TFEC: variants seen among roughly 807,000 people sequenced by gnomAD.
The protein encoded by TFEC is class E basic helix-loop-helix protein 34.
In TFEC, 31 loss-of-function variants were observed where a neutral mutation model predicts 41.6. The ratio of observed to expected loss-of-function variants is 0.74; its 90% confidence interval spans 0.56 to 1.01. TFEC has a LOEUF of 1.01. Among genes scored for constraint, TFEC ranks in the 50% least tolerant of loss-of-function variants. TFEC has a pLI of 0.00. For missense variants in TFEC, 402 were observed against 404.1 expected (o/e 0.99, Z 0.04); for synonymous variants, 143 against 140.6 (o/e 1.02, Z -0.12).
At chr7:116,023,151 A>G (rs1795463451) in intron 1 of TFEC, among the ~76,000 whole-genome samples, 1 of 152,092 alleles carries the variant, frequency 6.6e-6, no homozygotes, top group African/African-American at 2.4e-5. Context: ...CTTGTCTATT[A>G]GGCCTCTGAA....
In TFEC at chr7:115,954,910, CTG is replaced by C. The variant is rs1792141764; in HGVS notation, c.383-270_383-269del. ...CCATGTGATCTATTGCCACACTTCTCTGTGTTTCAGGCTCTTCATCTGTAAAA... is the reference window on the plus strand; with the variant it reads ...CCATGTGATCTATTGCCACACTTCTCTGTTTCAGGCTCTTCATCTGTAAAA... On this transcript the variant is annotated intron_variant, in intron 4 of 7. Coordinates refer to ENST00000265440, the MANE Select transcript of TFEC (RefSeq NM_012252.4). Among the ~76,000 whole-genome samples the C allele has an allele frequency of 3.3e-5, 5 of 152,146 alleles. No individual in the cohort carries two copies. The South Asian group carries it at 8.3e-4, about 25-fold the overall frequency.
intron 1 of TFEC, among the ~76,000 whole-genome samples, chr7:115,995,451 C>T (rs142311269): frequency 1.6e-3 from 244 of 151,926 alleles, no homozygotes; most frequent in African/African-American, 5.6e-3. Context: ...AAATTAATGA[C>T]AGCAATTATA....
chr7:115,979,851 T>C (rs1793547769), intron 2 of TFEC, among the ~76,000 whole-genome samples: 1 of 152,208 alleles, frequency 6.6e-6, no homozygotes. Context: ...AGTTCATTTC[T>C]TTTATTCTCT....
chr7:116,082,300 G>A (rs1037774119), intron 3 of TFEC, among the ~76,000 whole-genome samples: 2 of 151,934 alleles, frequency 1.3e-5, no homozygotes, highest in Non-Finnish European at 2.9e-5. Context: ...ATTCACTACT[G>A]CATCCAAATT....
chr7:116,072,915 AC>A (rs1186398630), intron 3 of TFEC, among the ~76,000 whole-genome samples: 1 of 151,512 alleles, frequency 6.6e-6, no homozygotes, highest in Non-Finnish European at 1.5e-5. Context: ...ATACAAGGAT[AC>A]CCACTCTTGC....
At chr7:116,020,395 G>T (rs761055268) in intron 1 of TFEC, among the ~76,000 whole-genome samples, 10 of 152,202 alleles carry the variant, frequency 6.6e-5, no homozygotes, top group East Asian at 1.9e-4. Flanking sequence ...AAGATTTGAA[G>T]CAACAAGATG....
Position 115,990,446 on chromosome 7 carries a change from G to A in TFEC, c.-72-5933C>T, listed in dbSNP as rs575813681. On this transcript the variant is annotated intron_variant, in intron 1 of 7. Coordinates refer to ENST00000265440, the MANE Select transcript of TFEC (RefSeq NM_012252.4). ...TAACAAACTTCCCTGAGCTAAAGGAGGATGTTCGAACTCATCACAAAATAG... is the reference window on the plus strand; with the variant it reads ...TAACAAACTTCCCTGAGCTAAAGGAAGATGTTCGAACTCATCACAAAATAG... Among the ~76,000 whole-genome samples, 9 of 152,284 alleles carry A rather than the reference G, an allele frequency of 5.9e-5. 1 individual carries two copies. Among genetic ancestry groups the A allele is most frequent in the African/African-American group, 1.9e-4 (8 of 41,578 alleles).
chr7:115,950,389 T>C (rs929814638), intron 6 of TFEC, among the ~76,000 whole-genome samples: 1 of 152,170 alleles, frequency 6.6e-6, no homozygotes, highest in African/African-American at 2.4e-5. Flanking sequence ...ATTTTGTGCA[T>C]ACAGCACAAA....
chr7:115,947,718 C>T (rs1398135731), intron 6 of TFEC, among the ~76,000 whole-genome samples: 1 of 151,590 alleles, frequency 6.6e-6, no homozygotes, highest in Admixed American at 6.6e-5. Flanking sequence ...TAAATGTCTT[C>T]TTTTGAGAAG....
At chr7:115,966,776 C>T (rs1244738561) in intron 3 of TFEC, among the ~76,000 whole-genome samples, 1 of 151,630 alleles carries the variant, frequency 6.6e-6, no homozygotes, top group Non-Finnish European at 1.5e-5. Context: ...TATATTCTTT[C>T]CCACTGCTGT....
At chr7:115,970,953 T>C (rs1793106171) in intron 3 of TFEC, among the ~76,000 whole-genome samples, 1 of 152,084 alleles carries the variant, frequency 6.6e-6, no homozygotes, top group Non-Finnish European at 1.5e-5. Context: ...TTTATGGAAA[T>C]GTAAAATGGA....
chr7:116,108,061 T>C (rs1403334249), intron 3 of TFEC, among the ~76,000 whole-genome samples: 1 of 152,160 alleles, frequency 6.6e-6, no homozygotes, highest in Non-Finnish European at 1.5e-5. Context: ...CAACTTTTCA[T>C]TAAAACCCTA....
chr7:116,027,286 G>A (rs192994682), intron 1 of TFEC, among the ~76,000 whole-genome samples: 1 of 152,206 alleles, frequency 6.6e-6, no homozygotes, highest in Non-Finnish European at 1.5e-5. Flanking sequence ...TGATTGAACA[G>A]ATAGGAAGTC....
chr7:116,016,566 C>T (rs998439819), intron 1 of TFEC, among the ~76,000 whole-genome samples: 1 of 152,122 alleles, frequency 6.6e-6, no homozygotes, highest in Admixed American at 6.6e-5. Flanking sequence ...ATGTGAATGA[C>T]ACGCCCTATT....
intron 3 of TFEC, among the ~76,000 whole-genome samples, chr7:116,062,324 C>T (rs1304876138): frequency 7.3e-6 from 1 of 137,846 alleles, no homozygotes; most frequent in South Asian, 2.4e-4. Context: ...CTCAAGTGAT[C>T]CACCCCACTT....
At chr7:115,951,583 C>T (rs147646449) in intron 5 of TFEC, among the ~76,000 whole-genome samples, 8 of 152,064 alleles carry the variant, frequency 5.3e-5, no homozygotes, top group Admixed American at 1.3e-4. Flanking sequence ...TTTAGACACA[C>T]CTGGAAGGAT....
In TFEC at chr7:115,983,855, T is replaced by G. The variant is rs767501669; in HGVS notation, c.180+407A>C. 2.6e-5 allele frequency among the ~76,000 whole-genome samples: 4 copies of G among 152,244 alleles called. No individual in the cohort carries two copies. The East Asian group carries it at 7.7e-4, about 29-fold the overall frequency. ...AATAAAATTATTAGTCTTATTCTAA[T>G]AGTCAATTTCTACAGCAAAAATTTA... On this transcript the variant is annotated intron_variant, in intron 2 of 7. Coordinates refer to ENST00000265440, the MANE Select transcript of TFEC (RefSeq NM_012252.4).
chr7:116,055,187 T>C (rs1796398632), intron 3 of TFEC, among the ~76,000 whole-genome samples: 1 of 152,160 alleles, frequency 6.6e-6, no homozygotes, highest in African/African-American at 2.4e-5. Flanking sequence ...TCATCTTTCA[T>C]CTTTGATACA....
intron 3 of TFEC, among the ~76,000 whole-genome samples, chr7:116,084,813 CT>C (rs1475250596): frequency 6.6e-6 from 1 of 151,706 alleles, no homozygotes; most frequent in Admixed American, 6.6e-5. Context: ...TTGAAGGCAT[CT>C]TTTTCAGAGG....
Sources: gnomAD v4.1 joint callset for allele counts (sites outside exome capture counted in the v4.1 genomes callset) on GRCh38, gnomAD v4.1.1 for gene constraint, MANE v1.5 for transcripts, NCBI Gene and HGNC (gene_info 2026-07-23, HGNC 2026-07-21) for gene names.